Variants in CYRIB observed in about 807,000 individuals in gnomAD.
CYRIB encodes the protein CYFIP related Rac1 interactor B.
Under a neutral mutation model 44.2 loss-of-function variants are expected in CYRIB, and 8 were observed. The ratio of observed to expected loss-of-function variants is 0.18; its 90% CI spans 0.11 to 0.33. CYRIB has a LOEUF of 0.33. Ranked by LOEUF, CYRIB falls within the 10% of genes least tolerant of loss-of-function variation. The probability of loss-of-function intolerance (pLI) is 1.00; values close to 1 mark genes in which losing one functional copy is unlikely to be tolerated. For missense variants in CYRIB, 185 were observed against 382.8 expected, an observed-to-expected ratio of 0.48 and a Z score of 4.31; for synonymous variants, 131 against 127.2, an observed-to-expected ratio of 1.03 and a Z score of -0.20.
intron 4 of CYRIB, among the ~76,000 whole-genome samples, chr8:129,869,223 TAAAAATACAAA>T (rs1428325710): frequency 1.3e-5 from 2 of 150,874 alleles, no homozygotes; most frequent in African/African-American, 4.9e-5. Context: ...CCATCTCTAC[TAAAAATACAAA>T]AATTAGCTGG....
At chr8:129,935,093 C>T (rs1021410447) in intron 1 of CYRIB, among the ~76,000 whole-genome samples, 4 of 152,182 alleles carry the variant, frequency 2.6e-5, no homozygotes, top group Admixed American at 6.5e-5. Flanking sequence ...TATTGGGCCA[C>T]GAGAAATAGA....
chr8:130,005,893 AC>A (rs1236587116), intron 1 of CYRIB, among the ~76,000 whole-genome samples: 1 of 151,960 alleles, frequency 6.6e-6, no homozygotes, highest in Non-Finnish European at 1.5e-5. Context: ...CACACCAGCC[AC>A]CCCACGCCCA....
intron 1 of CYRIB, among the ~76,000 whole-genome samples, chr8:129,918,085 C>T (rs1219750944): frequency 1.3e-5 from 2 of 152,132 alleles, no homozygotes; most frequent in East Asian, 3.9e-4. Flanking sequence ...AATGGCTGCC[C>T]ACCACAATTA....
At chr8:129,898,093 T>C (rs376949749) in intron 2 of CYRIB, among the ~76,000 whole-genome samples, 4 of 10,158 alleles carry the variant, frequency 3.9e-4, no homozygotes, top group Admixed American at 4.5e-3. Context: ...TAAGTTTTTT[T>C]GTTTTTTTTT....
chr8:129,879,069 T>C (rs2060049787), intron 3 of CYRIB, among the ~76,000 whole-genome samples: 1 of 152,038 alleles, frequency 6.6e-6, no homozygotes, highest in South Asian at 2.1e-4. Flanking sequence ...TATTAATAAA[T>C]CTTGAGGTAG....
At chr8:129,862,834 T>C (rs756316865) in intron 4 of CYRIB, among the ~76,000 whole-genome samples, 4 of 152,210 alleles carry the variant, frequency 2.6e-5, no homozygotes, top group South Asian at 2.1e-4. Context: ...AGACACTCCA[T>C]AGGAGTGCTA....
chr8:129,869,401 A>AT (rs2055908494), intron 4 of CYRIB, among the ~76,000 whole-genome samples: 2 of 151,580 alleles, frequency 1.3e-5, no homozygotes, highest in African/African-American at 4.9e-5. Flanking sequence ...AAAAAAAAAA[A>AT]AAATCAAACA....
chr8:129,923,853 G>A (rs933886408), intron 1 of CYRIB, among the ~76,000 whole-genome samples: 2 of 149,476 alleles, frequency 1.3e-5, no homozygotes, highest in Non-Finnish European at 3.0e-5. Context: ...AAAAAAGTAC[G>A]AACATATGTG....
At chr8:129,869,984 GA>G (rs2056373014) in intron 4 of CYRIB, among the ~76,000 whole-genome samples, 2 of 150,792 alleles carry the variant, frequency 1.3e-5, no homozygotes, top group Non-Finnish European at 3.0e-5. Context: ...GGGGTGGGGG[GA>G]GGGGGGGCGT....
At chr8:129,904,711 C>T (rs1037150260) in intron 1 of CYRIB, 126 bp from the exon 3 acceptor site, 6 of 152,224 alleles carry the variant, frequency 3.9e-5, no homozygotes, top group African/African-American at 7.2e-5. Context: ...ATTTCGACTA[C>T]GCTTTCTTGC....
intron 4 of CYRIB, among the ~76,000 whole-genome samples, chr8:129,866,883 ACT>A (rs2053929408): frequency 6.6e-6 from 1 of 152,332 alleles, no homozygotes; most frequent in East Asian, 1.9e-4. Context: ...ACAATAATTT[ACT>A]CTGTTTGATA....
intron 2 of CYRIB, among the ~76,000 whole-genome samples, chr8:129,892,011 T>A (rs985578934): frequency 6.6e-6 from 1 of 152,198 alleles, no homozygotes; most frequent in Non-Finnish European, 1.5e-5. Flanking sequence ...CAAAGATTAC[T>A]GGCACTCTTC....
chr8:129,930,619 C>T (rs1234255905), intron 1 of CYRIB, among the ~76,000 whole-genome samples: 1 of 151,754 alleles, frequency 6.6e-6, no homozygotes, highest in Non-Finnish European at 1.5e-5. Context: ...ATCGCACATA[C>T]CATAATGGAA....
chr8:130,003,711 G>T (rs545580033), intron 1 of CYRIB, among the ~76,000 whole-genome samples: 4 of 152,334 alleles, frequency 2.6e-5, no homozygotes, highest in East Asian at 1.9e-4. Context: ...GGTGTCCAAG[G>T]TGTTGGGACA....
chr8:129,926,013 T>C (rs752181631), intron 1 of CYRIB, among the ~76,000 whole-genome samples: 3 of 152,240 alleles, frequency 2.0e-5, no homozygotes, highest in Non-Finnish European at 4.4e-5. Flanking sequence ...TGGATACATA[T>C]TAGAAGTCAC....
chr8:129,928,361 G>C (rs1020176176), intron 1 of CYRIB, among the ~76,000 whole-genome samples: 2 of 148,770 alleles, frequency 1.3e-5, no homozygotes, highest in African/African-American at 2.5e-5. Flanking sequence ...AAAAGGACAA[G>C]TCACAGATTG....
At chr8:129,844,485 T>G (rs1448499156) in intron 11 of CYRIB, 1 of 152,242 alleles carries the variant, frequency 6.6e-6, no homozygotes, top group Non-Finnish European at 1.5e-5. Flanking sequence ...AACCAATTAT[T>G]ATTTACCTTT....
At chr8:129,899,314 A>C (rs1397726876) in intron 2 of CYRIB, among the ~76,000 whole-genome samples, 1 of 152,222 alleles carries the variant, frequency 6.6e-6, no homozygotes, top group African/African-American at 2.4e-5. Flanking sequence ...CTTTGTAAAT[A>C]ATTTTGCAAA....
rs979420172 is a variant in CYRIB, at chr8:129,850,789, C to G, written c.713+46G>C. On this transcript the variant is annotated intron_variant, in intron 9 of 11. Coordinates refer to ENST00000519824, the Ensembl canonical transcript of CYRIB. ...TATGAACATGTTTTGAAATATCAGT[C>G]ATCTCAACAGCACTGTTAAAGTGAA... The G allele has an allele frequency of 2.3e-6, 3 of 1,289,208 alleles. No individual in the cohort carries two copies. The Admixed American group carries it at 5.3e-5, about 23-fold the overall frequency. 79.9% of individuals were successfully genotyped at this position (1,289,208 alleles called of 1,614,324 possible). A position where few individuals can be genotyped will look rare whatever the true frequency, so the allele number is the denominator to read the frequency against.
Sources: gnomAD v4.1 joint callset for allele counts (sites outside exome capture counted in the v4.1 genomes callset) on GRCh38, gnomAD v4.1.1 for gene constraint, MANE v1.5 for transcripts, NCBI Gene and HGNC (gene_info 2026-07-23, HGNC 2026-07-21) for gene names.